The following CP variants were observed in gnomAD, a reference collection of about 807,000 sequenced individuals.
CP encodes the protein caeruloplasmin.
A neutral mutation model predicts 122.4 loss-of-function variants in CP; 64 were observed. The observed-to-expected ratio is 0.52, with a 90% CI of 0.43 to 0.64. The LOEUF (loss-of-function observed/expected upper bound fraction) is 0.64, where lower values mean the gene tolerates loss of function less well. Ranked by LOEUF, CP falls within the 30% of genes least tolerant of loss-of-function variation. The pLI is 0.00. For synonymous variants in CP, 440 were observed against 436.4 expected (o/e 1.01, Z -0.10); for missense variants, 1,167 against 1,284.4 (o/e 0.91, Z 1.40).
chr3:149,162,989 GTATCT>G, intron 5 of CP: 1 of 934,696 alleles, frequency 1.1e-6, no homozygotes, highest in South Asian at 1.4e-5. Context: ...CTATTACCAG[GTATCT>G]TATTTATGCA....
chr3:149,207,603 T>G lies in CP; in HGVS notation c.796A>C (p.Thr266Pro). 6.2e-7 allele frequency: 1 copy of G among 1,613,924 alleles called. No homozygotes were observed. The highest frequency in any genetic ancestry group is 8.5e-7 in the Non-Finnish European group (1 of 1,179,812). ...SNRMYSVNGY[T>P]FGSLPGLSMC... is the part of the protein sequence containing the mutation. ...GAGAGTCCTGGGAGACTTCCAAAAG[T>G]GTATCCATTCACAGCTGTAAGTCAA... The change falls in exon 5 of 19, where the codon ACT becomes CCT. Residue 266 changes from threonine to proline, a missense_variant. By Grantham distance (38) the Thr-to-Pro change is conservative. Transcript: ENST00000264613.
At chr3:149,176,158 A>T in intron 18 of CP, 92 bp downstream of exon 18, 1 of 1,172,200 alleles carries the variant, frequency 8.5e-7, no homozygotes, top group Non-Finnish European at 1.3e-6. Context: ...CTTCATATTG[A>T]TGCATCATAT....
Position 149,186,717 on chromosome 3 carries a change from A to G in CP, c.1880T>C (p.Met627Thr), listed in dbSNP as rs999955156. 1.9e-6 allele frequency: 3 copies of G among 1,613,948 alleles called. No homozygotes were observed. The highest frequency in any genetic ancestry group is 2.7e-5 in the African/African-American group (2 of 74,926). Reference protein sequence around the residue: ...SNKMHSMNGFMYGNQPGLTMC... With the variant: ...SNKMHSMNGFTYGNQPGLTMC... Reference sequence around the variant, plus strand: ...AGTGAGACCCGGCTGATTCCCATACATGAATCCATTCATGGCTGTAAAAGT... The same window carrying G: ...AGTGAGACCCGGCTGATTCCCATACGTGAATCCATTCATGGCTGTAAAAGT... The change falls in exon 11 of 19, where the codon ATG (methionine) becomes ACG (threonine). Residue 627 changes from methionine to threonine, a missense_variant. Coordinates refer to ENST00000264613, the MANE Select transcript of CP (RefSeq NM_000096.4).
chr3:149,173,606 T>C lies in CP; in HGVS notation c.*108A>G. On this transcript the variant is annotated 3_prime_UTR_variant, in exon 19 of 19. Transcript: ENST00000264613. ...AAAGTTGTATGCTTCCAGTCTTCTT[T>C]TAATGTTTATAGTCATTCCAAAGTA... 1 of 769,928 alleles carries C rather than the reference T, an allele frequency of 1.3e-6. No individual in the cohort carries two copies. The highest frequency in any genetic ancestry group is 2.1e-6 in the Non-Finnish European group (1 of 470,238). 47.7% of individuals were successfully genotyped at this position (769,928 alleles called of 1,614,324 possible).
In CP at chr3:149,183,754, A is replaced by G. The variant is rs186862090; in HGVS notation, c.2286-149T>C. ...CACTCTTCTATCCAAGTAGGAATGCATAATAAGACTTTAAAAGTCTGTGTG... is the reference window on the plus strand; with the variant it reads ...CACTCTTCTATCCAAGTAGGAATGCGTAATAAGACTTTAAAAGTCTGTGTG... On this transcript the variant is annotated intron_variant, in intron 12 of 18. Coordinates refer to ENST00000264613, the MANE Select transcript of CP (RefSeq NM_000096.4). 1.9e-4 allele frequency: 121 copies of G among 624,616 alleles called. No homozygotes were observed. The African/African-American group carries it at 2.0e-3, about 11-fold the overall frequency. The allele number at this position is 624,616 out of a possible 1,614,324, so 38.7% of individuals were successfully genotyped here.
intron 17 of CP, 156 bp from the exon 18 acceptor site, chr3:149,176,568 G>A: frequency 1.6e-6 from 1 of 641,948 alleles, no homozygotes; most frequent in Non-Finnish European, 2.7e-6. Flanking sequence ...GGTAAAATGT[G>A]GTTTTTGTAT....
chr3:149,183,233 A>G (rs1725901361), intron 13 of CP, among the ~76,000 whole-genome samples: 1 of 152,220 alleles, frequency 6.6e-6, no homozygotes, highest in Non-Finnish European at 1.5e-5. Context: ...ATATAATTTC[A>G]TCAGTATACG....
chr3:149,219,304 A>G (rs770031479), intron 1 of CP, among the ~76,000 whole-genome samples: 2 of 152,124 alleles, frequency 1.3e-5, no homozygotes, highest in East Asian at 1.9e-4. Context: ...AGCCTTAAGT[A>G]TCTCTATTAA....
chr3:149,181,631 G>A (rs1359839639), intron 14 of CP, among the ~76,000 whole-genome samples: 1 of 152,164 alleles, frequency 6.6e-6, no homozygotes, highest in Non-Finnish European at 1.5e-5. Flanking sequence ...AGAGTTCCAA[G>A]TGGCAGCCTC....
chr3:149,208,205 G>T (rs1727871567), intron 4 of CP, among the ~76,000 whole-genome samples: 1 of 152,034 alleles, frequency 6.6e-6, no homozygotes, highest in African/African-American at 2.4e-5. Context: ...AAAGTTCATA[G>T]GCAAGGTGGC....
chr3:149,174,816 C>G (rs533930215), intron 18 of CP, among the ~76,000 whole-genome samples: 8 of 152,082 alleles, frequency 5.3e-5, no homozygotes, highest in Non-Finnish European at 1.0e-4. Context: ...TTTTTTTATT[C>G]AGTCTGCTGC....
intron 9 of CP, among the ~76,000 whole-genome samples, chr3:149,188,682 T>G (rs1045999385): frequency 6.6e-6 from 1 of 151,752 alleles, no homozygotes; most frequent in Non-Finnish European, 1.5e-5. Flanking sequence ...GAACAGAGAT[T>G]CAAACAATCT....
intron 18 of CP, 45 bp from the exon 19 acceptor site, chr3:149,173,775 G>T: frequency 1.0e-6 from 1 of 998,664 alleles, no homozygotes; most frequent in Non-Finnish European, 1.5e-6. Flanking sequence ...AATAATATAT[G>T]GTTAGAAATT....
In CP at chr3:149,167,142, C is replaced by T. The variant is rs751160941; in HGVS notation, c.587-1092G>A. 1.7e-5 allele frequency: 27 copies of T among 1,613,696 alleles called. No homozygotes were observed. The highest frequency in any genetic ancestry group is 4.5e-5 in the East Asian group (2 of 44,888). ...CAGTGTCCATGTTCTGTGTCGTACACGCTTGAAAGAGTATGAACAGTGCAT... is the reference window on the plus strand; with the variant it reads ...CAGTGTCCATGTTCTGTGTCGTACATGCTTGAAAGAGTATGAACAGTGCAT... On this transcript the variant is annotated intron_variant, in intron 4 of 5. Coordinates refer to the CP transcript ENST00000479771.
chr3:149,200,276 C>G lies in CP; in HGVS notation c.1349-412G>C, dbSNP rs762546051. 3.9e-5 allele frequency among the ~76,000 whole-genome samples: 6 copies of G among 152,218 alleles called. 1 individual carries two copies. Among genetic ancestry groups the G allele is most frequent in the Admixed American group, 1.3e-4 (2 of 15,294 alleles). ...ATTGTTTTGGATGTGAAGGATAACA[C>G]TGTTTTGGATTTTCCATGACCAAAA... On this transcript the variant is annotated intron_variant, in intron 7 of 18. Transcript: ENST00000264613.
Position 149,179,242 on chromosome 3 carries a change from C to T in CP, c.2661+314G>A, listed in dbSNP as rs142444676. On this transcript the variant is annotated intron_variant, in intron 15 of 18. Coordinates refer to ENST00000264613, the MANE Select transcript of CP (RefSeq NM_000096.4). ...CCCTCCAAGCCTTCCTTCATTCCAC[C>T]AGAATGAAGGATCTGAAATGCAAAT... 1.2e-4 allele frequency among the ~76,000 whole-genome samples: 18 copies of T among 152,186 alleles called. 1 individual carries two copies. In the East Asian group the frequency reaches 3.5e-3, roughly 30 times the overall value.
chr3:149,166,206 C>T (rs1407481212), intron 4 of CP, among the ~76,000 whole-genome samples: 13 of 152,168 alleles, frequency 8.5e-5, no homozygotes. Flanking sequence ...GTTGTAAATT[C>T]TGAGATAATA....
chr3:149,178,385 G>A, intron 16 of CP, 30 bp downstream of exon 16: 1 of 1,458,330 alleles, frequency 6.9e-7, no homozygotes, highest in African/African-American at 1.4e-5. Flanking sequence ...TAAAAAAGTA[G>A]AAAAATTGTT....
At chr3:149,215,632 G>T (rs909329876) in intron 1 of CP, among the ~76,000 whole-genome samples, 5 of 152,290 alleles carry the variant, frequency 3.3e-5, no homozygotes, top group African/African-American at 4.8e-5. Flanking sequence ...AACATTAAAA[G>T]GTCATTAGGG....
Sources: gnomAD v4.1 joint callset for allele counts (sites outside exome capture counted in the v4.1 genomes callset) on GRCh38, gnomAD v4.1.1 for gene constraint, MANE v1.5 for transcripts, NCBI Gene and HGNC (gene_info 2026-07-23, HGNC 2026-07-21) for gene names.